The following TREH variants were observed in gnomAD, a reference collection of about 807,000 sequenced individuals.
TREH encodes the protein alpha,alpha-trehalose glucohydrolase.
In TREH, 69 loss-of-function variants were observed where a neutral mutation model predicts 80.5. The observed-to-expected ratio is 0.86, with a 90% CI of 0.71 to 1.05. TREH has a LOEUF of 1.05. TREH is among the 50% of genes least tolerant of loss of function. The pLI, the probability that TREH is intolerant of heterozygous loss-of-function variation, is 0.00. For missense variants in TREH, 716 were observed against 718.8 expected (o/e 1.00, Z 0.04); for synonymous variants, 309 against 293.5 (o/e 1.05, Z -0.54).
rs537084800 is a variant in TREH, at chr11:118,678,135, A to G, written c.89+1404T>C. 7.8e-4 allele frequency among the ~76,000 whole-genome samples: 119 copies of G among 152,084 alleles called. 1 individual carries two copies. The highest frequency in any genetic ancestry group is 4.1e-4 in the Non-Finnish European group (28 of 67,972). On this transcript the variant is annotated intron_variant, in intron 1 of 14. Transcript: ENST00000264029. Reference sequence around the variant, plus strand: ...CCCAATCACACAGGCCTTCGTCCCAATCCCTGAACAGTGCGTCAGGGCCTC... The same window carrying G: ...CCCAATCACACAGGCCTTCGTCCCAGTCCCTGAACAGTGCGTCAGGGCCTC...
At position 118,679,593 on chromosome 11, in the gene TREH, A is replaced by T; in HGVS notation, c.35T>A (p.Leu12Gln). Residue 12 changes from leucine to glutamine, a missense_variant, in exon 1 of 15, where the codon CTG becomes CAG. Leu to Gln is a moderately radical substitution (Grantham distance 113). Transcript: ENST00000264029. ...GGACCCCAGTCCCAGCCCCAGCAGC[A>T]GTAGCAGGCACAGCTCCCAGGTCCT... is the stretch of plus-strand genomic sequence containing the variant. The part of the protein sequence containing the change: ...PGRTWELCLL[L>Q]LLGLGLGSQE... 6.4e-7 allele frequency: 1 copy of T among 1,553,632 alleles called. No homozygotes were observed. The highest frequency in any genetic ancestry group is 8.7e-7 in the Non-Finnish European group (1 of 1,146,512).
chr11:118,667,117 G>A (rs1402942769), intron 1 of TREH, among the ~76,000 whole-genome samples: 1 of 152,008 alleles, frequency 6.6e-6, no homozygotes, highest in African/African-American at 2.4e-5. Context: ...CCCAACCTCA[G>A]GTGATCCGCC....
intron 1 of TREH, among the ~76,000 whole-genome samples, chr11:118,670,626 A>G (rs768252924): frequency 1.3e-5 from 2 of 152,202 alleles, no homozygotes; most frequent in Non-Finnish European, 2.9e-5. Flanking sequence ...AACCTGAAAA[A>G]TAAGAGTCAA....
intron 1 of TREH, among the ~76,000 whole-genome samples, chr11:118,677,330 C>T (rs908070723): frequency 4.6e-5 from 7 of 152,354 alleles, no homozygotes; most frequent in Middle Eastern, 3.4e-3. Flanking sequence ...TATAAATCCA[C>T]TGGGAGAGGA....
At chr11:118,672,126 A>C (rs1214407889) in intron 1 of TREH, among the ~76,000 whole-genome samples, 1 of 152,212 alleles carries the variant, frequency 6.6e-6, no homozygotes, top group Non-Finnish European at 1.5e-5. Context: ...TGGGCCGGGC[A>C]TGGTGGCTCA....
intron 1 of TREH, among the ~76,000 whole-genome samples, chr11:118,669,126 A>G (rs1379974416): frequency 6.6e-6 from 1 of 152,246 alleles, no homozygotes; most frequent in Non-Finnish European, 1.5e-5. Flanking sequence ...GAGAAATGCA[A>G]ATCAAAACTA....
chr11:118,667,357 T>G (rs1384385852), intron 1 of TREH, among the ~76,000 whole-genome samples: 3 of 152,004 alleles, frequency 2.0e-5, no homozygotes, highest in Non-Finnish European at 2.9e-5. Context: ...TTTTTCTATT[T>G]TTTTTGTAGA....
At chr11:118,669,841 ATAAC>A (rs1412138207) in intron 1 of TREH, among the ~76,000 whole-genome samples, 1 of 152,228 alleles carries the variant, frequency 6.6e-6, no homozygotes, top group Non-Finnish European at 1.5e-5. Context: ...ACATTTAAAA[ATAAC>A]TAAAAGAGTA....
At chr11:118,660,119 A>G (rs1949302544) in intron 10 of TREH, among the ~76,000 whole-genome samples, 155 bp from the exon 11 acceptor site, 1 of 152,094 alleles carries the variant, frequency 6.6e-6, no homozygotes, top group Admixed American at 6.5e-5. Context: ...GGAGCCCACC[A>G]CATTTCTGGC....
intron 1 of TREH, among the ~76,000 whole-genome samples, chr11:118,675,307 AC>A (rs1217911587): frequency 6.6e-6 from 1 of 152,146 alleles, no homozygotes; most frequent in Non-Finnish European, 1.5e-5. Context: ...TAATCCTGGC[AC>A]TAACCATCGG....
intron 1 of TREH, among the ~76,000 whole-genome samples, chr11:118,667,582 A>G (rs1949389907): frequency 6.6e-6 from 1 of 152,194 alleles, no homozygotes; most frequent in South Asian, 2.1e-4. Flanking sequence ...CCCCATACTG[A>G]GACAAGGAAG....
Position 118,660,583 on chromosome 11 carries a change from A to G in TREH, c.1058T>C (p.Leu353Pro). ...KLVPVDLNAF[L>P]CQAEELMSNF... ...GCTCATCAGCTCCTCTGCTTGGCAT[A>G]GGAAGGCATTCAGGTCAACAGGCAC... Residue 353 changes from leucine to proline, a missense_variant, in exon 10 of 15, where the codon CTA becomes CCA. Coordinates refer to ENST00000264029, the MANE Select transcript of TREH (RefSeq NM_007180.3). The G allele has an allele frequency of 1.2e-6, 2 of 1,610,830 alleles. No homozygotes were observed. The highest frequency in any genetic ancestry group is 8.5e-7 in the Non-Finnish European group (1 of 1,178,506).
chr11:118,667,043 C>T (rs560012321), intron 1 of TREH, among the ~76,000 whole-genome samples: 3 of 151,944 alleles, frequency 2.0e-5, no homozygotes, highest in Admixed American at 6.6e-5. Flanking sequence ...CCACCACGCC[C>T]GGCTAATTTT....
intron 2 of TREH, 24 bp from the exon 3 acceptor site, chr11:118,663,220 G>T (rs917781886): frequency 1.9e-6 from 3 of 1,582,622 alleles, no homozygotes; most frequent in Non-Finnish European, 2.6e-6. Context: ...AGCAGGGAGG[G>T]GTCAGCAGGG....
chr11:118,674,613 G>C lies in TREH; in HGVS notation c.89+4926C>G, dbSNP rs548261682. Among the ~76,000 whole-genome samples the C allele has an allele frequency of 6.6e-6, 1 of 152,298 alleles. No homozygotes were observed. The highest frequency in any genetic ancestry group is 2.4e-5 in the African/African-American group (1 of 41,564). Reference sequence around the variant, plus strand: ...GCTGGAGTGCAATGGCGAGATCTCAGCTCACTGCAACCTCCACCTCCTGGG... The same window carrying C: ...GCTGGAGTGCAATGGCGAGATCTCACCTCACTGCAACCTCCACCTCCTGGG... On this transcript the variant is annotated intron_variant, in intron 1 of 14. Transcript: ENST00000264029. This position sits in a 1 kb window ranked among gnomAD's most constrained non-coding sequence, Gnocchi z 4.4.
In TREH at chr11:118,663,227, A is replaced by G. The variant is rs202048530; in HGVS notation, c.191-31T>C. 2.8e-4 allele frequency: 446 copies of G among 1,571,766 alleles called. No homozygotes were observed. In the African/African-American group the frequency reaches 5.4e-3, roughly 19 times the overall value. ...GAGCAGGCAGCAGGGAGGGGTCAGC[A>G]GGGTGTCACAAGCCACTCCCTAATC... On this transcript the variant is annotated intron_variant, in intron 2 of 14. Transcript: ENST00000264029.
chr11:118,675,067 CA>C (rs869309310), intron 1 of TREH, among the ~76,000 whole-genome samples: 48,126 of 151,794 alleles, frequency 0.32, 7,975 homozygotes, highest in Admixed American at 0.46. Flanking sequence ...GTCAACTCCC[CA>C]AAAGTTAGTG....
chr11:118,659,021 G>A lies in TREH; in HGVS notation c.1433-4C>T. On this transcript the variant is annotated splice_region_variant and splice_polypyrimidine_tract_variant and intron_variant, in intron 12 of 14. Transcript: ENST00000264029. ...CGTAAAGGTGCCTTGGCCAGGCCTA[G>A]ACCCCATTGCAGGCAGGACTCAACC... 1 of 1,613,466 alleles carries A rather than the reference G, an allele frequency of 6.2e-7. No individual in the cohort carries two copies. The highest frequency in any genetic ancestry group is 8.5e-7 in the Non-Finnish European group (1 of 1,179,672).
chr11:118,661,309 C>G lies in TREH; in HGVS notation c.735-27G>C. On this transcript the variant is annotated intron_variant, in intron 7 of 14. Coordinates refer to ENST00000264029, the MANE Select transcript of TREH (RefSeq NM_007180.3). The surrounding 1 kb of genome is among the most constrained non-coding windows in gnomAD (Gnocchi z 4.2). The stretch of plus-strand genomic sequence containing the variant: ...TGGAGTGAAGCAGACAACACCTCAG[C>G]CCAGGCGTGCTGCCCATCCCCAGCC... The G allele has an allele frequency of 1.2e-6, 2 of 1,613,952 alleles. No individual in the cohort carries two copies. Among genetic ancestry groups the G allele is most frequent in the Non-Finnish European group, 1.7e-6 (2 of 1,179,854 alleles).
Sources: allele counts gnomAD v4.1 joint callset (sites outside exome capture counted in the v4.1 genomes callset), GRCh38; gene constraint gnomAD v4.1.1; non-coding constraint Gnocchi (gnomAD v3.1); transcripts MANE v1.5; gene names NCBI Gene and HGNC (gene_info 2026-07-23, HGNC 2026-07-21).